Variants in TMEM156 observed in about 807,000 individuals in gnomAD.
TMEM156 encodes transmembrane protein 156.
Under a neutral mutation model 30.5 loss-of-function variants are expected in TMEM156, and 28 were observed. The observed-to-expected ratio is 0.92, with a 90% CI of 0.68 to 1.26. The LOEUF is 1.26. Among genes scored for constraint, TMEM156 ranks in the 50% most tolerant of loss-of-function variants. The pLI is 0.00. For synonymous variants in TMEM156, 137 were observed against 119.9 expected (o/e 1.14, Z -0.93); for missense variants, 351 against 340.6 (o/e 1.03, Z -0.24).
chr4:39,027,353 AG>A (rs1403626920), intron 1 of TMEM156, among the ~76,000 whole-genome samples: 1 of 152,178 alleles, frequency 6.6e-6, no homozygotes, highest in Non-Finnish European at 1.5e-5. Context: ...ATATTATGTC[AG>A]TTTATCCTAT....
At chr4:39,020,026 C>T (rs757012954) in intron 1 of TMEM156, among the ~76,000 whole-genome samples, 3 of 152,124 alleles carry the variant, frequency 2.0e-5, no homozygotes, top group South Asian at 2.1e-4. Context: ...CAACTCTTTA[C>T]GACTCCATAT....
intron 1 of TMEM156, among the ~76,000 whole-genome samples, chr4:39,018,413 A>G (rs775398439): frequency 1.3e-5 from 2 of 152,170 alleles, no homozygotes; most frequent in African/African-American, 2.4e-5. Context: ...TCACATGTTT[A>G]TAATTGTTGT....
chr4:38,968,597 G>C (rs1722453238), intron 6 of TMEM156, among the ~76,000 whole-genome samples: 1 of 152,160 alleles, frequency 6.6e-6, no homozygotes, highest in South Asian at 2.1e-4. Context: ...ATCCCAGAAT[G>C]AACAACCAGA....
In TMEM156 at chr4:38,998,695, C is replaced by G. The variant is rs1354995014; in HGVS notation, c.303G>C (p.Leu101Phe). The change falls in exon 2 of 7, where the codon TTG (leucine) becomes TTC (phenylalanine). Residue 101 changes from leucine to phenylalanine, a missense_variant. Coordinates refer to ENST00000381938, the MANE Select transcript of TMEM156 (RefSeq NM_024943.3). ...TGEFKMCSSC[L>F]VCESKGNMDF... ...CCATGTTTCCTTTAGACTCACAAAC[C>G]AAACACGAGGAGCACATTTTAAATT... 4 of 1,613,306 alleles carry G rather than the reference C, an allele frequency of 2.5e-6. No homozygotes were observed. Among genetic ancestry groups the G allele is most frequent in the Non-Finnish European group, 3.4e-6 (4 of 1,179,648 alleles).
intron 2 of TMEM156, among the ~76,000 whole-genome samples, chr4:38,996,526 C>T (rs982111365): frequency 2.0e-5 from 3 of 151,750 alleles, no homozygotes; most frequent in African/African-American, 7.3e-5. Context: ...GAGCTGAGAT[C>T]GTGCCACTGC....
intron 6 of TMEM156, 73 bp downstream of exon 6, chr4:38,970,959 G>A (rs1722567988): frequency 1.1e-6 from 1 of 945,876 alleles, no homozygotes; most frequent in African/African-American, 1.7e-5. Context: ...AATGGAGTTT[G>A]GGATCAACTG....
chr4:38,981,554 C>T (rs1156588955), intron 5 of TMEM156, among the ~76,000 whole-genome samples: 1 of 152,154 alleles, frequency 6.6e-6, no homozygotes, highest in African/African-American at 2.4e-5. Flanking sequence ...AACCCCCAGT[C>T]CCCCAGTTCA....
chr4:39,010,182 T>C (rs892870404), intron 1 of TMEM156, among the ~76,000 whole-genome samples: 1 of 151,884 alleles, frequency 6.6e-6, no homozygotes, highest in Non-Finnish European at 1.5e-5. Context: ...TAGGAATACA[T>C]CTAACCAAGG....
chr4:38,985,211 C>T lies in TMEM156; in HGVS notation c.823+1125G>A, dbSNP rs544855514. ...AAATTAATTTTGCCATTGAAAACAACGTTATAGCTTTTAATTTATTAATCA... is the reference window on the plus strand; with the variant it reads ...AAATTAATTTTGCCATTGAAAACAATGTTATAGCTTTTAATTTATTAATCA... On this transcript the variant is annotated intron_variant, in intron 5 of 6. Coordinates refer to ENST00000381938, the MANE Select transcript of TMEM156 (RefSeq NM_024943.3). 2.4e-4 allele frequency among the ~76,000 whole-genome samples: 36 copies of T among 152,260 alleles called. No homozygotes were observed. In the Middle Eastern group the frequency reaches 0.014, roughly 58 times the overall value.
intron 3 of TMEM156, among the ~76,000 whole-genome samples, chr4:38,989,981 G>A (rs1712303967): frequency 6.6e-6 from 1 of 152,090 alleles, no homozygotes; most frequent in Non-Finnish European, 1.5e-5. Context: ...TTTTAGTAGA[G>A]ATGGGGTTTC....
chr4:38,983,336 C>A (rs891426442), intron 5 of TMEM156, among the ~76,000 whole-genome samples: 1 of 152,144 alleles, frequency 6.6e-6, no homozygotes, highest in Non-Finnish European at 1.5e-5. Flanking sequence ...CTCCTCCTGC[C>A]CCTGGCTTTG....
chr4:38,971,815 G>C (rs968660172), intron 5 of TMEM156, among the ~76,000 whole-genome samples: 1 of 151,846 alleles, frequency 6.6e-6, no homozygotes, highest in Non-Finnish European at 1.5e-5. Context: ...TTAAGACAGA[G>C]TTTCGCTCTT....
intron 5 of TMEM156, among the ~76,000 whole-genome samples, chr4:38,977,183 G>T (rs1722898096): frequency 6.6e-6 from 1 of 152,110 alleles, no homozygotes; most frequent in South Asian, 2.1e-4. Context: ...AGGATTACAG[G>T]CTTGAGCCAC....
At chr4:38,992,838 T>G (rs550492069) in intron 3 of TMEM156, among the ~76,000 whole-genome samples, 1 of 149,112 alleles carries the variant, frequency 6.7e-6, no homozygotes, top group African/African-American at 2.5e-5. Flanking sequence ...CTCGGCTCAC[T>G]GTAACCTCCG....
intron 1 of TMEM156, among the ~76,000 whole-genome samples, chr4:39,030,222 C>T (rs2254212): frequency 0.71 from 106,431 of 150,620 alleles, 37,922 homozygotes; most frequent in African/African-American, 0.79. Context: ...GAGTTTGGAG[C>T]ATTATCTATG....
chr4:38,976,561 AC>A (rs1251354644), intron 5 of TMEM156, among the ~76,000 whole-genome samples: 1 of 152,202 alleles, frequency 6.6e-6, no homozygotes, highest in Non-Finnish European at 1.5e-5. Context: ...CGGTTAAGCC[AC>A]GCACAGATAT....
Position 38,993,871 on chromosome 4 carries a change from T to G in TMEM156, c.486A>C (p.Lys162Asn). Reference protein sequence around the residue: ...LEEYNTTCHLKNHTGRSTIME... With the variant: ...LEEYNTTCHLNNHTGRSTIME... ...TGATTGTTGATCTTCCAGTGTGGTT[T>G]TTTAGATGACAGGTAGTGTTATATT... Residue 162 changes from lysine to asparagine, a missense_variant, in exon 3 of 7, where the codon AAA becomes AAC. By Grantham distance (94) the Lys-to-Asn change is moderately conservative (BLOSUM62 0). Transcript: ENST00000381938. 1 of 1,614,136 alleles carries G rather than the reference T, an allele frequency of 6.2e-7. No homozygotes were observed. Among genetic ancestry groups the G allele is most frequent in the South Asian group, 1.1e-5 (1 of 91,084 alleles).
chr4:39,006,287 T>C (rs1713733061), intron 1 of TMEM156, among the ~76,000 whole-genome samples: 1 of 152,212 alleles, frequency 6.6e-6, no homozygotes. Context: ...TTTTAATGTA[T>C]ATTTTCCTAA....
chr4:38,986,807 CA>C (rs59087758), intron 4 of TMEM156, among the ~76,000 whole-genome samples: 3 of 23,746 alleles, frequency 1.3e-4, no homozygotes, highest in African/African-American at 2.8e-4. Context: ...GACTCCATCT[CA>C]AAAAAAAAAA....
Sources: allele counts gnomAD v4.1 joint callset (sites outside exome capture counted in the v4.1 genomes callset), GRCh38; gene constraint gnomAD v4.1.1; transcripts MANE v1.5; gene names NCBI Gene and HGNC (gene_info 2026-07-23, HGNC 2026-07-21).